Variants in SAMD5 observed in about 807,000 individuals in gnomAD.
SAMD5 encodes sterile alpha motif domain-containing protein 5.
SAMD5 carries 13 observed loss-of-function variants against 11.3 expected under a neutral mutation model. The observed-to-expected ratio is 1.15, with a 90% confidence interval of 0.75 to 1.83. The LOEUF (loss-of-function observed/expected upper bound fraction) is 1.83, where lower values mean the gene tolerates loss of function less well. Ranked by LOEUF, SAMD5 falls within the 40% of genes most tolerant of loss-of-function variation. The probability of loss-of-function intolerance (pLI) is 0.00; values close to 1 mark genes in which losing one functional copy is unlikely to be tolerated. For synonymous variants in SAMD5, 129 were observed against 111.3 expected (o/e 1.16, Z -1.00); for missense variants, 255 against 239.1 (o/e 1.07, Z -0.44).
chr6:147,762,321 C>T, the SAMD5 span, among the ~76,000 whole-genome samples: 1 of 152,144 alleles, frequency 6.6e-6, no homozygotes, highest in African/African-American at 2.4e-5. Context: ...GCCTCAGCCT[C>T]CTGAGCAGCT....
At chr6:147,583,212 G>A (rs1216227107) in intron 1 of SAMD5, among the ~76,000 whole-genome samples, 4 of 152,160 alleles carry the variant, frequency 2.6e-5, no homozygotes, top group Admixed American at 2.6e-4. Context: ...GCTCTGAAGG[G>A]AATTGTTGCT....
At position 147,569,390 on chromosome 6, in the gene SAMD5, G is replaced by A; in HGVS notation, c.*4934G>A. On this transcript the variant is annotated 3_prime_UTR_variant, in exon 2 of 2. Transcript: ENST00000367474. ...AGGAAAACAAGAGGCTAAATTCCAT[G>A]TTAAGAGCTAAGTAGTATTTTTTTC... is the stretch of plus-strand genomic sequence containing the variant. 1 of 956,672 alleles carries A rather than the reference G, an allele frequency of 1.0e-6. No individual in the cohort carries two copies. Among genetic ancestry groups the A allele is most frequent in the Middle Eastern group, 5.4e-4 (1 of 1,858 alleles). The allele number at this position is 956,672 out of a possible 1,614,324, so 59.3% of individuals were successfully genotyped here. A position where few individuals can be genotyped will look rare whatever the true frequency, so the allele number is the denominator to read the frequency against.
chr6:147,602,708 C>T (rs1057076200), intron 1 of SAMD5, among the ~76,000 whole-genome samples: 1 of 152,100 alleles, frequency 6.6e-6, no homozygotes, highest in Non-Finnish European at 1.5e-5. Context: ...TGCACCACTG[C>T]ACTGTAGCCT....
At chr6:147,908,822 T>TC in the SAMD5 span, among the ~76,000 whole-genome samples, 2 of 152,202 alleles carry the variant, frequency 1.3e-5, no homozygotes, top group Non-Finnish European at 2.9e-5. Flanking sequence ...TAGGTTTCTG[T>TC]AATGACTGCC....
intron 1 of SAMD5, among the ~76,000 whole-genome samples, chr6:147,609,151 G>A (rs1789744460): frequency 6.6e-6 from 1 of 152,020 alleles, no homozygotes; most frequent in Non-Finnish European, 1.5e-5. Context: ...CTCCAAATAT[G>A]TTCTTATTTG....
intron 1 of SAMD5, among the ~76,000 whole-genome samples, chr6:147,727,457 T>C (rs755200156): frequency 6.6e-5 from 10 of 152,340 alleles, no homozygotes; most frequent in East Asian, 5.8e-4. Context: ...GTTTTCCCAC[T>C]AAATTTGTAG....
the SAMD5 span, among the ~76,000 whole-genome samples, chr6:147,807,655 G>A: frequency 6.6e-6 from 1 of 152,158 alleles, no homozygotes; most frequent in African/African-American, 2.4e-5. Flanking sequence ...CTAAAATAGA[G>A]CTAAGGTTTA....
At chr6:147,877,637 G>A in the SAMD5 span, among the ~76,000 whole-genome samples, 5 of 152,026 alleles carry the variant, frequency 3.3e-5, no homozygotes, top group Non-Finnish European at 7.4e-5. Flanking sequence ...AGTAGACTTT[G>A]AGTAAAGCAG....
At chr6:147,661,244 C>A (rs1211664411) in intron 1 of SAMD5, among the ~76,000 whole-genome samples, 1 of 152,086 alleles carries the variant, frequency 6.6e-6, no homozygotes, top group Non-Finnish European at 1.5e-5. Context: ...TCTGAGACTT[C>A]ACCTTCAGAT....
chr6:147,924,109 C>T, the SAMD5 span, among the ~76,000 whole-genome samples: 20 of 152,128 alleles, frequency 1.3e-4, no homozygotes, highest in African/African-American at 4.1e-4. Context: ...GCACTCATGG[C>T]AATTTTGGTA....
At chr6:147,861,363 ACCATATTCG>A in the SAMD5 span, among the ~76,000 whole-genome samples, 7,969 of 151,888 alleles carry the variant, frequency 0.052, 258 homozygotes, top group Middle Eastern at 0.11. Context: ...ACGGGGTTTC[ACCATATTCG>A]CCAGGCTAGT....
chr6:147,713,590 A>G (rs1791427887), intron 1 of SAMD5, among the ~76,000 whole-genome samples: 1 of 152,216 alleles, frequency 6.6e-6, no homozygotes, highest in Admixed American at 6.5e-5. Flanking sequence ...CTGTAGGAGC[A>G]GGAAAAAGTT....
chr6:147,791,864 T>A, the SAMD5 span, among the ~76,000 whole-genome samples: 1 of 152,164 alleles, frequency 6.6e-6, no homozygotes, highest in African/African-American at 2.4e-5. Flanking sequence ...ATGCCAATTA[T>A]ATGACTTACG....
At chr6:147,624,207 C>G (rs1447259318) in intron 1 of SAMD5, among the ~76,000 whole-genome samples, 1 of 152,170 alleles carries the variant, frequency 6.6e-6, no homozygotes, top group Non-Finnish European at 1.5e-5. Flanking sequence ...AGTAAATAAT[C>G]TAGAAACCCC....
At chr6:147,730,768 G>A (rs1268597945) in intron 1 of SAMD5, among the ~76,000 whole-genome samples, 1 of 152,196 alleles carries the variant, frequency 6.6e-6, no homozygotes, top group Non-Finnish European at 1.5e-5. Flanking sequence ...AGAAAGCAGA[G>A]ACAACCAGGA....
intron 1 of SAMD5, among the ~76,000 whole-genome samples, chr6:147,559,435 GC>G (rs368997573): frequency 8.1e-4 from 123 of 152,212 alleles, no homozygotes; most frequent in African/African-American, 2.7e-3. Flanking sequence ...AAAATGTCCA[GC>G]CAGCCTCTCC....
chr6:147,659,269 A>AG (rs1790613221), intron 1 of SAMD5, among the ~76,000 whole-genome samples: 1 of 151,774 alleles, frequency 6.6e-6, no homozygotes, highest in Admixed American at 6.6e-5. Flanking sequence ...TTAAAAAAAA[A>AG]TAACTTTAAC....
downstream of SAMD5, among the ~76,000 whole-genome samples, chr6:147,574,114 C>T (rs1264854507): frequency 6.8e-6 from 1 of 147,658 alleles, no homozygotes; most frequent in African/African-American, 2.5e-5. Flanking sequence ...GGCGATAGAG[C>T]GAGACTGTGT....
At chr6:147,661,398 A>C (rs1392670482) in intron 1 of SAMD5, among the ~76,000 whole-genome samples, 1 of 152,226 alleles carries the variant, frequency 6.6e-6, no homozygotes, top group African/African-American at 2.4e-5. Context: ...ACAGTCTCTT[A>C]AATTTTAAGG....
Sources: gnomAD v4.1 joint callset for allele counts (sites outside exome capture counted in the v4.1 genomes callset) on GRCh38, gnomAD v4.1.1 for gene constraint, MANE v1.5 for transcripts, NCBI Gene and HGNC (gene_info 2026-07-23, HGNC 2026-07-21) for gene names.